SORCS2: variants seen among roughly 807,000 people sequenced by gnomAD.
SORCS2 encodes the protein VPS10 domain-containing receptor SorCS2.
SORCS2 carries 100 observed loss-of-function variants against 141.6 expected under a neutral mutation model. That is an observed-to-expected ratio of 0.71 (90% confidence interval 0.60 to 0.83). The LOEUF (loss-of-function observed/expected upper bound fraction) is 0.83, where lower values mean the gene tolerates loss of function less well. Among genes scored for constraint, SORCS2 ranks in the 40% least tolerant of loss-of-function variants. SORCS2 has a pLI of 0.00. For missense variants in SORCS2, 1,646 were observed against 1,560.2 expected, an observed-to-expected ratio of 1.05 and a Z score of -0.93; for synonymous variants, 789 against 676.9, an observed-to-expected ratio of 1.17 and a Z score of -2.57.
intron 2 of SORCS2, among the ~76,000 whole-genome samples, chr4:7,430,126 C>T (rs139098369): frequency 1.3e-5 from 2 of 152,220 alleles, no homozygotes; most frequent in Non-Finnish European, 2.9e-5. Context: ...GGGGAGGGAG[C>T]GTGGACAGCA....
At chr4:7,210,515 G>T (rs1365594691) in intron 1 of SORCS2, among the ~76,000 whole-genome samples, 3 of 152,104 alleles carry the variant, frequency 2.0e-5, no homozygotes, top group African/African-American at 4.8e-5. Context: ...TCCTGGGCTC[G>T]AGGGATCTAT....
chr4:7,475,569 AG>A (rs1361582764), intron 2 of SORCS2, among the ~76,000 whole-genome samples: 1 of 152,202 alleles, frequency 6.6e-6, no homozygotes, highest in Non-Finnish European at 1.5e-5. Context: ...CTTGTCTCCC[AG>A]GGAACCCAGG....
intron 1 of SORCS2, among the ~76,000 whole-genome samples, chr4:7,281,419 C>T (rs1478233077): frequency 3.3e-5 from 5 of 152,208 alleles, no homozygotes; most frequent in Admixed American, 6.5e-5. Context: ...TGTCCTGCAG[C>T]TGCGCTCTGG....
chr4:7,737,257 C>CCCGCTGGG, intron 26 of SORCS2, 85 bp downstream of exon 26: 1 of 1,526,668 alleles, frequency 6.6e-7, no homozygotes, highest in Non-Finnish European at 8.8e-7. Flanking sequence ...CACAGGCCAC[C>CCCGCTGGG]CCGCTGGGCC....
chr4:7,414,745 A>G (rs967178435), intron 2 of SORCS2, among the ~76,000 whole-genome samples: 2 of 152,248 alleles, frequency 1.3e-5, no homozygotes, highest in African/African-American at 4.8e-5. Flanking sequence ...AAGGTTCTAA[A>G]TCTTTCATTA....
intron 3 of SORCS2, among the ~76,000 whole-genome samples, chr4:7,621,424 TGTGTGA>T (rs563966937): frequency 0.012 from 1,752 of 150,938 alleles, 15 homozygotes; most frequent in Non-Finnish European, 0.019. Flanking sequence ...TTTGTGTGTG[TGTGTGA>T]GTGTGTGTCT....
intron 14 of SORCS2, among the ~76,000 whole-genome samples, chr4:7,708,126 A>G (rs1318492454): frequency 2.6e-5 from 4 of 152,198 alleles, no homozygotes; most frequent in Non-Finnish European, 4.4e-5. Context: ...CCTTGTCTGT[A>G]GCATGGGGAC....
At chr4:7,646,688 G>A (rs1721100317) in intron 4 of SORCS2, among the ~76,000 whole-genome samples, 1 of 152,164 alleles carries the variant, frequency 6.6e-6, no homozygotes, top group Non-Finnish European at 1.5e-5. Context: ...AAAGACGAGG[G>A]AGAAGGCGGC....
intron 2 of SORCS2, among the ~76,000 whole-genome samples, chr4:7,459,401 G>A (rs1357810987): frequency 1.3e-5 from 2 of 152,164 alleles, no homozygotes; most frequent in Non-Finnish European, 2.9e-5. Context: ...GCAGGCTTGA[G>A]CCCAGCTGCT....
chr4:7,323,521 G>T (rs1483691852), intron 1 of SORCS2, among the ~76,000 whole-genome samples: 2 of 152,160 alleles, frequency 1.3e-5, no homozygotes, highest in Non-Finnish European at 2.9e-5. Flanking sequence ...GGGGGTCAGA[G>T]CACCAGGAGG....
intron 1 of SORCS2, among the ~76,000 whole-genome samples, chr4:7,254,713 G>C (rs548375258): frequency 2.5e-4 from 38 of 152,330 alleles, no homozygotes; most frequent in African/African-American, 8.7e-4. Flanking sequence ...CGTGACTTTG[G>C]ATGCTCTGAG....
chr4:7,251,279 T>C (rs1409661474), intron 1 of SORCS2, among the ~76,000 whole-genome samples: 1 of 152,244 alleles, frequency 6.6e-6, no homozygotes, highest in Non-Finnish European at 1.5e-5. Context: ...TGGTCTCTGC[T>C]AAGGGATTTG....
chr4:7,398,594 G>A (rs1724371204), intron 2 of SORCS2, among the ~76,000 whole-genome samples: 1 of 152,184 alleles, frequency 6.6e-6, no homozygotes, highest in Non-Finnish European at 1.5e-5. Flanking sequence ...ACCCATCGGA[G>A]CAATTACTTT....
At chr4:7,580,350 C>G (rs1409090427) in intron 3 of SORCS2, among the ~76,000 whole-genome samples, 1 of 151,974 alleles carries the variant, frequency 6.6e-6, no homozygotes, top group African/African-American at 2.4e-5. Flanking sequence ...AATAGCTAAG[C>G]ATGGTGGTGC....
intron 9 of SORCS2, among the ~76,000 whole-genome samples, chr4:7,680,756 G>C (rs75145136): frequency 5.1e-4 from 78 of 152,278 alleles, no homozygotes; most frequent in African/African-American, 1.8e-3. Flanking sequence ...ATAAGACCTG[G>C]TGGGTCCCAA....
At chr4:7,237,958 G>A (rs1370381348) in intron 1 of SORCS2, among the ~76,000 whole-genome samples, 1 of 152,180 alleles carries the variant, frequency 6.6e-6, no homozygotes, top group African/African-American at 2.4e-5. Context: ...CATGGTGCCA[G>A]AGTGCTCAGG....
At chr4:7,584,632 G>A (rs1420925250) in intron 3 of SORCS2, among the ~76,000 whole-genome samples, 5 of 152,164 alleles carry the variant, frequency 3.3e-5, no homozygotes, top group African/African-American at 1.2e-4. Context: ...CTCCACAGTA[G>A]ATAAACACAT....
intron 2 of SORCS2, among the ~76,000 whole-genome samples, chr4:7,504,483 C>A (rs10032607): frequency 2.0e-5 from 3 of 150,918 alleles, no homozygotes; most frequent in African/African-American, 7.3e-5. Flanking sequence ...ATCCTTAAAT[C>A]CTGCTCATTT....
intron 2 of SORCS2, among the ~76,000 whole-genome samples, chr4:7,415,810 A>G (rs535876019): frequency 8.5e-4 from 130 of 152,354 alleles, no homozygotes; most frequent in Non-Finnish European, 1.6e-3. Context: ...TGTGCTAGGC[A>G]CTTTGCCAGG....
Sources: allele counts gnomAD v4.1 joint callset (sites outside exome capture counted in the v4.1 genomes callset), GRCh38; gene constraint gnomAD v4.1.1; transcripts MANE v1.5; gene names NCBI Gene and HGNC (gene_info 2026-07-23, HGNC 2026-07-21).